The following CADM1 variants were observed in gnomAD, a reference collection of about 807,000 sequenced individuals.
The protein encoded by CADM1 is TSLC-1.
CADM1 carries 15 observed loss-of-function variants against 53.1 expected under a neutral mutation model. The ratio of observed to expected loss-of-function variants is 0.28; its 90% CI spans 0.19 to 0.44. CADM1 has a LOEUF of 0.44. Among genes scored for constraint, CADM1 ranks in the 20% least tolerant of loss-of-function variants. The pLI, the probability that CADM1 is intolerant of heterozygous loss-of-function variation, is 1.00. For synonymous variants in CADM1, 281 were observed against 243.0 expected, an observed-to-expected ratio of 1.16 and a Z score of -1.45; for missense variants, 434 against 611.3, an observed-to-expected ratio of 0.71 and a Z score of 3.06.
intron 1 of CADM1, among the ~76,000 whole-genome samples, chr11:115,281,573 G>A (rs1029854504): frequency 4.6e-5 from 7 of 152,012 alleles, no homozygotes. Context: ...ATTCTGAATG[G>A]CCACCTCCAG....
rs116466392 is a variant in CADM1 at position 115,314,590 on chromosome 11, G to A, written c.125-74170C>T. 9.7e-3 allele frequency among the ~76,000 whole-genome samples: 1,481 copies of A among 152,264 alleles called. 21 individuals carry two copies. The highest frequency in any genetic ancestry group is 0.034 in the African/African-American group (1,414 of 41,552). On this transcript the variant is annotated intron_variant, in intron 1 of 11. Coordinates refer to ENST00000331581, the MANE Select transcript of CADM1 (RefSeq NM_001301043.2). ...GCTCATTCCTCGTTTGTATATGAAA[G>A]ATTTATTTTAGGTGGCTTTCCAAGG...
Position 115,174,266 on chromosome 11 carries a change from A to ATTTTTT in CADM1, c.*2202_*2207dup, listed in dbSNP as rs10565366. 1 of 800,876 alleles carries ATTTTTT rather than the reference A, an allele frequency of 1.2e-6. No individual in the cohort carries two copies. The allele number at this position is 800,876 out of a possible 1,614,324, so 49.6% of individuals were successfully genotyped here. A position where few individuals can be genotyped will look rare whatever the true frequency, so the allele number is the denominator to read the frequency against. On this transcript the variant is annotated 3_prime_UTR_variant, in exon 12 of 12. Coordinates refer to ENST00000331581, the MANE Select transcript of CADM1 (RefSeq NM_001301043.2). The stretch of plus-strand genomic sequence containing the variant: ...TGCCAATTCTGTGAGCAATGGTGTG[A>ATTTTTT]TTTTTTTTTTTTGTTTTTGTTTTTG...
chr11:115,344,197 C>CA (rs11443736), intron 1 of CADM1, among the ~76,000 whole-genome samples: 152,153 of 152,158 alleles, frequency 1, 76,074 homozygotes, highest in Non-Finnish European at 1. Flanking sequence ...AATTTACCCC[C>CA]GCCCTCTCTG....
At chr11:115,262,349 G>A (rs1393613390) in intron 1 of CADM1, among the ~76,000 whole-genome samples, 1 of 152,162 alleles carries the variant, frequency 6.6e-6, no homozygotes, top group Non-Finnish European at 1.5e-5. Flanking sequence ...ACTTCAAAAT[G>A]TAAGTCATAA....
At chr11:115,466,823 A>G (rs1948908529) in intron 1 of CADM1, among the ~76,000 whole-genome samples, 1 of 152,224 alleles carries the variant, frequency 6.6e-6, no homozygotes, top group African/African-American at 2.4e-5. Flanking sequence ...GAATATGATT[A>G]TGATTATGCA....
chr11:115,450,058 A>G (rs1948538104), intron 1 of CADM1, among the ~76,000 whole-genome samples: 1 of 152,120 alleles, frequency 6.6e-6, no homozygotes, highest in Admixed American at 6.6e-5. Context: ...GCTGAATGGA[A>G]AAAAAGCTGC....
At chr11:115,336,471 G>A (rs1945270457) in intron 1 of CADM1, among the ~76,000 whole-genome samples, 1 of 152,128 alleles carries the variant, frequency 6.6e-6, no homozygotes, top group Non-Finnish European at 1.5e-5. Flanking sequence ...CACATTTGCA[G>A]AAAAAGAACA....
chr11:115,407,283 A>G (rs1055807081), intron 1 of CADM1, among the ~76,000 whole-genome samples: 4 of 152,220 alleles, frequency 2.6e-5, no homozygotes, highest in African/African-American at 4.8e-5. Context: ...TCTCTGAAAT[A>G]TTAATTTCAC....
chr11:115,295,531 T>TA (rs1944042678), intron 1 of CADM1, among the ~76,000 whole-genome samples: 1 of 85,610 alleles, frequency 1.2e-5, no homozygotes, highest in African/African-American at 8.1e-5. Flanking sequence ...TATATATATA[T>TA]ATATATATAT....
chr11:115,269,147 A>G (rs1943227016), intron 1 of CADM1, among the ~76,000 whole-genome samples: 1 of 152,130 alleles, frequency 6.6e-6, no homozygotes, highest in Non-Finnish European at 1.5e-5. Flanking sequence ...ATCTAAGTGT[A>G]CAATCCACAT....
At chr11:115,321,439 TTCAG>T (rs1224630778) in intron 1 of CADM1, among the ~76,000 whole-genome samples, 1 of 152,164 alleles carries the variant, frequency 6.6e-6, no homozygotes, top group Non-Finnish European at 1.5e-5. Context: ...CTGACATCAA[TTCAG>T]TATTTCTCCA....
rs1477203572 is a variant in CADM1, at chr11:115,178,794, G to A, written c.1166-19C>T. 1 of 1,613,646 alleles carries A rather than the reference G, an allele frequency of 6.2e-7. No homozygotes were observed. Among genetic ancestry groups the A allele is most frequent in the East Asian group, 2.2e-5 (1 of 44,878 alleles). On this transcript the variant is annotated intron_variant, in intron 10 of 11. Transcript: ENST00000331581. ...CGGGAATCTGTTAAAATCAGAAGAGGAATAGGGATGTAGAGCTTATTACAA... is the reference window on the plus strand; with the variant it reads ...CGGGAATCTGTTAAAATCAGAAGAGAAATAGGGATGTAGAGCTTATTACAA...
At chr11:115,259,169 G>A (rs1053357490) in intron 1 of CADM1, among the ~76,000 whole-genome samples, 2 of 151,510 alleles carry the variant, frequency 1.3e-5, no homozygotes, top group Admixed American at 6.6e-5. Context: ...TAGTTTTAGT[G>A]GAGACAGAGT....
At chr11:115,441,154 G>A (rs1218577264) in intron 1 of CADM1, among the ~76,000 whole-genome samples, 1 of 151,990 alleles carries the variant, frequency 6.6e-6, no homozygotes, top group African/African-American at 2.4e-5. Flanking sequence ...TAATGACGAG[G>A]GCCAAAGGAG....
chr11:115,384,895 T>C (rs1314952089), intron 1 of CADM1, among the ~76,000 whole-genome samples: 2 of 152,228 alleles, frequency 1.3e-5, no homozygotes, highest in South Asian at 4.1e-4. Flanking sequence ...CATTTGCTAG[T>C]GTAATTGAAA....
intron 1 of CADM1, among the ~76,000 whole-genome samples, chr11:115,345,847 C>G (rs902531984): frequency 3.9e-5 from 6 of 152,128 alleles, no homozygotes; most frequent in African/African-American, 1.4e-4. Context: ...TTTCTTCACT[C>G]AAAATTATGT....
intron 8 of CADM1, among the ~76,000 whole-genome samples, chr11:115,201,265 T>G (rs1010878206): frequency 2.0e-5 from 3 of 151,974 alleles, no homozygotes; most frequent in Non-Finnish European, 4.4e-5. Flanking sequence ...TGATGGTGTG[T>G]CTGGGGAGTC....
At chr11:115,443,499 C>T (rs1393573959) in intron 1 of CADM1, among the ~76,000 whole-genome samples, 1 of 152,106 alleles carries the variant, frequency 6.6e-6, no homozygotes. Context: ...CATTAGTAAC[C>T]TTTGATCTCA....
chr11:115,196,451 T>C (rs1940149457), intron 9 of CADM1, among the ~76,000 whole-genome samples: 1 of 152,068 alleles, frequency 6.6e-6, no homozygotes, highest in Non-Finnish European at 1.5e-5. Context: ...TGGTCAATAT[T>C]TCTTCAAGGA....
Sources: gnomAD v4.1 joint callset for allele counts (sites outside exome capture counted in the v4.1 genomes callset) on GRCh38, gnomAD v4.1.1 for gene constraint, MANE v1.5 for transcripts, NCBI Gene and HGNC (gene_info 2026-07-23, HGNC 2026-07-21) for gene names.